MED15: variants seen among roughly 807,000 people sequenced by gnomAD.
MED15 encodes the protein mediator of RNA polymerase II transcription subunit 15.
In MED15, 41 loss-of-function variants were observed where a neutral mutation model predicts 118.7. That is an observed-to-expected ratio of 0.35 (90% CI 0.27 to 0.45). MED15 has a LOEUF of 0.45. Ranked by LOEUF, MED15 falls within the 20% of genes least tolerant of loss-of-function variation. The pLI, the probability that MED15 is intolerant of heterozygous loss-of-function variation, is 1.00. For synonymous variants in MED15, 436 were observed against 413.9 expected (o/e 1.05, Z -0.65); for missense variants, 740 against 1,025.5 (o/e 0.72, Z 3.80).
chr22:20,521,473 T>C (rs982862361), intron 1 of MED15, among the ~76,000 whole-genome samples: 1 of 151,494 alleles, frequency 6.6e-6, no homozygotes, highest in African/African-American at 2.4e-5. Context: ...CTTGGCTCAC[T>C]GCAAGCTCTG....
At chr22:20,515,793 A>T (rs1214228048) in intron 1 of MED15, among the ~76,000 whole-genome samples, 1 of 151,804 alleles carries the variant, frequency 6.6e-6, no homozygotes, top group Non-Finnish European at 1.5e-5. Context: ...TCAAAAAAAA[A>T]AAATATATAG....
At chr22:20,560,259 T>C (rs1352170979) in intron 5 of MED15, among the ~76,000 whole-genome samples, 2 of 151,348 alleles carry the variant, frequency 1.3e-5, no homozygotes, top group Non-Finnish European at 2.9e-5. Context: ...TTCATTTCTT[T>C]TCTATTATTA....
chr22:20,583,522 C>T, intron 13 of MED15, 129 bp downstream of exon 13: 1 of 1,078,442 alleles, frequency 9.3e-7, no homozygotes, highest in South Asian at 1.4e-5. Context: ...CCAGAGGCCT[C>T]CAAGGCTCCA....
intron 2 of MED15, among the ~76,000 whole-genome samples, chr22:20,539,954 T>C (rs1217584947): frequency 2.0e-5 from 3 of 152,244 alleles, no homozygotes; most frequent in African/African-American, 7.2e-5. Context: ...AATAGTTCTT[T>C]ATGCATTTGG....
chr22:20,564,783 A>G (rs1195476471), intron 6 of MED15, 95 bp downstream of exon 6: 1 of 1,570,078 alleles, frequency 6.4e-7, no homozygotes, highest in Non-Finnish European at 8.7e-7. Context: ...GCCCGGAGCC[A>G]GCCGAGGGTT....
At position 20,566,909 on chromosome 22, in the gene MED15, A is replaced by G. The variant is rs1601602226; in HGVS notation, c.1041+92A>G. 55 of 1,551,414 alleles carry G rather than the reference A, an allele frequency of 3.5e-5. 1 individual carries two copies. In the South Asian group the frequency reaches 5.9e-4, roughly 17 times the overall value. The stretch of plus-strand genomic sequence containing the variant: ...TCTTTGGCTAGAGATAGCATATCCT[A>G]TTCTTCAAGTGCTGAGACTTCAGGC... On this transcript the variant is annotated intron_variant, in intron 7 of 17. Coordinates refer to ENST00000263205, the MANE Select transcript of MED15 (RefSeq NM_001003891.3).
intron 1 of MED15, among the ~76,000 whole-genome samples, chr22:20,528,243 T>C (rs940816719): frequency 2.6e-5 from 4 of 152,148 alleles, no homozygotes; most frequent in African/African-American, 7.2e-5. Context: ...ACTGGGAACT[T>C]CATTGAAGGC....
At chr22:20,581,129 C>G (rs1055050004) in intron 9 of MED15, among the ~76,000 whole-genome samples, 1 of 152,358 alleles carries the variant, frequency 6.6e-6, no homozygotes, top group Admixed American at 6.5e-5. Context: ...CCCCCCACCC[C>G]CTGGTCTCCC....
rs1384670938 is a variant in MED15 at position 20,582,964 on chromosome 22, C to T, written c.1534C>T (p.Pro512Ser). The T allele has an allele frequency of 3.1e-6, 5 of 1,612,944 alleles. No homozygotes were observed. In the East Asian group the frequency reaches 1.1e-4, roughly 36 times the overall value. ...CCCCTCACCTGGACCTTTAAACACA[C>T]CTGGTAAGTTGGGCCTGAGGTGCTA... is the stretch of plus-strand genomic sequence containing the variant. ...SVPSPGPLNT[P>S]VNPSSVMSPA... The change falls in exon 11 of 18, where the codon CCT becomes TCT. Residue 512 changes from proline (P) to serine (S), a missense_variant. Coordinates refer to ENST00000263205, the MANE Select transcript of MED15 (RefSeq NM_001003891.3).
chr22:20,566,415 G>A lies in MED15; in HGVS notation c.691-52G>A, dbSNP rs116294672. 4.7e-3 allele frequency: 7,475 copies of A among 1,596,438 alleles called. 298 individuals are homozygous for A. In the African/African-American group the frequency reaches 0.088, roughly 19 times the overall value. On this transcript the variant is annotated intron_variant, in intron 6 of 17. Transcript: ENST00000263205. ...CCCAGACTGTCACAGGGAGGAGCTGGTGCCACAGAGGCAGATGAGTGATAA... is the reference window on the plus strand; with the variant it reads ...CCCAGACTGTCACAGGGAGGAGCTGATGCCACAGAGGCAGATGAGTGATAA...
chr22:20,562,545 C>T (rs148221516), intron 5 of MED15, among the ~76,000 whole-genome samples: 2,600 of 151,906 alleles, frequency 0.017, 42 homozygotes, highest in Middle Eastern at 0.027. Context: ...CCACCATGCC[C>T]GCTAATTTTT....
At position 20,545,624 on chromosome 22, in the gene MED15, G is replaced by C. The variant is rs1365712174; in HGVS notation, c.157-5812G>C. Among the ~76,000 whole-genome samples, 4 of 152,058 alleles carry C rather than the reference G, an allele frequency of 2.6e-5. No homozygotes were observed. In the East Asian group the frequency reaches 7.7e-4, roughly 29 times the overall value. ...CAGCCTATTACATATATTTTTAATG[G>C]AACGAGTGAAAATGATGAATAACAG... On this transcript the variant is annotated intron_variant, in intron 2 of 17. Coordinates refer to ENST00000263205, the MANE Select transcript of MED15 (RefSeq NM_001003891.3).
intron 5 of MED15, among the ~76,000 whole-genome samples, chr22:20,559,808 A>G (rs1374043691): frequency 1.3e-5 from 2 of 152,244 alleles, no homozygotes; most frequent in Non-Finnish European, 2.9e-5. Flanking sequence ...TAAAGGATAT[A>G]TCTTTTTTTA....
intron 9 of MED15, among the ~76,000 whole-genome samples, chr22:20,581,252 CGTG>C (rs1455933747): frequency 2.0e-5 from 3 of 152,320 alleles, no homozygotes; most frequent in East Asian, 3.9e-4. Flanking sequence ...GCTTGGTCCA[CGTG>C]GTGCTGAAAG....
At position 20,583,974 on chromosome 22, in the gene MED15, GTC is replaced by G. The variant is rs113649933; in HGVS notation, c.1737-379_1737-378del. On this transcript the variant is annotated intron_variant, in intron 13 of 17. Transcript: ENST00000263205. ...TATCCCCCAACCCCTGTCTAGAAGG[GTC>G]TCTCTGTTCTGCTTGTCTGGATAGA... is the stretch of plus-strand genomic sequence containing the variant. 2.8e-4 allele frequency: 76 copies of G among 271,614 alleles called. 4 individuals are homozygous for G. The highest frequency in any genetic ancestry group is 1.6e-3 in the African/African-American group (72 of 45,858). The allele number at this position is 271,614 out of a possible 1,614,324, so 16.8% of individuals were successfully genotyped here.
rs1002549280 is a variant in MED15 at position 20,566,372 on chromosome 22, C to T, written c.691-95C>T. ...CTTTCTTGATGGCTCTGCAGATGGC[C>T]ACCTGGGCTTCCTGAGGCCCAGACT... On this transcript the variant is annotated intron_variant, in intron 6 of 17. Transcript: ENST00000263205. 1.7e-5 allele frequency: 27 copies of T among 1,561,784 alleles called. No individual in the cohort carries two copies. The Admixed American group carries it at 3.4e-4, about 20-fold the overall frequency.
At chr22:20,528,964 C>T (rs926795104) in intron 1 of MED15, among the ~76,000 whole-genome samples, 1 of 152,138 alleles carries the variant, frequency 6.6e-6, no homozygotes, top group Non-Finnish European at 1.5e-5. Flanking sequence ...CACCCTCTGT[C>T]CCAGAGCACT....
At chr22:20,567,929 C>T (rs1350213162) in intron 7 of MED15, among the ~76,000 whole-genome samples, 1 of 152,078 alleles carries the variant, frequency 6.6e-6, no homozygotes, top group Non-Finnish European at 1.5e-5. Context: ...GTGATCAGAC[C>T]TCCCTGCTCA....
At chr22:20,584,236 T>C in intron 13 of MED15, 123 bp from the exon 14 acceptor site, 1 of 958,634 alleles carries the variant, frequency 1.0e-6, no homozygotes, top group South Asian at 1.4e-5. Context: ...GAACAGCTGG[T>C]CAACTGGTAG....
Sources: allele counts gnomAD v4.1 joint callset (sites outside exome capture counted in the v4.1 genomes callset), GRCh38; gene constraint gnomAD v4.1.1; transcripts MANE v1.5; gene names NCBI Gene and HGNC (gene_info 2026-07-23, HGNC 2026-07-21).